Variants in CNOT4 observed in about 807,000 individuals in gnomAD.
The protein encoded by CNOT4 is CCR4-NOT transcription complex subunit 4.
A neutral mutation model predicts 73.8 loss-of-function variants in CNOT4; 8 were observed. That is an observed-to-expected ratio of 0.11 (90% CI 0.06 to 0.20). The LOEUF is 0.20. Ranked by LOEUF, CNOT4 falls within the 10% of genes least tolerant of loss-of-function variation. CNOT4 has a pLI of 1.00. For missense variants in CNOT4, 564 were observed against 883.4 expected (o/e 0.64, Z 4.58); for synonymous variants, 293 against 321.1 (o/e 0.91, Z 0.94).
intron 2 of CNOT4, among the ~76,000 whole-genome samples, chr7:135,428,211 A>G (rs1469294842): frequency 6.6e-6 from 1 of 152,226 alleles, no homozygotes; most frequent in African/African-American, 2.4e-5. Flanking sequence ...CCCTAATGCC[A>G]ATGCTTACAG....
chr7:135,367,003 C>T (rs1794952258), intron 10 of CNOT4, among the ~76,000 whole-genome samples: 1 of 152,160 alleles, frequency 6.6e-6, no homozygotes, highest in Non-Finnish European at 1.5e-5. Context: ...AACCTCATCA[C>T]CACTGACAGT....
At chr7:135,391,474 C>A (rs189520377) in intron 10 of CNOT4, among the ~76,000 whole-genome samples, 16 of 152,080 alleles carry the variant, frequency 1.1e-4, no homozygotes, top group African/African-American at 3.9e-4. Context: ...TCTCCCACCC[C>A]CTACCAAATA....
intron 1 of CNOT4, among the ~76,000 whole-genome samples, chr7:135,452,304 G>A (rs1800224313): frequency 6.6e-6 from 1 of 152,052 alleles, no homozygotes; most frequent in Non-Finnish European, 1.5e-5. Context: ...CAGGCATGGT[G>A]GCTCACGCCT....
In CNOT4 at chr7:135,452,391, G is replaced by A. The variant is rs558062766; in HGVS notation, c.-92-13968C>T. Among the ~76,000 whole-genome samples the A allele has an allele frequency of 8.5e-5, 13 of 152,252 alleles. No homozygotes were observed. The South Asian group carries it at 1.0e-3, about 12-fold the overall frequency. ...TCGAGACCAGCCTGGCCAACATGGC[G>A]AAACCCTGTTTCTACTAAAAATACA... On this transcript the variant is annotated intron_variant, in intron 1 of 11. Coordinates refer to ENST00000541284, the MANE Select transcript of CNOT4 (RefSeq NM_001190850.2).
At chr7:135,388,970 T>C in intron 10 of CNOT4, 1 of 1,358,102 alleles carries the variant, frequency 7.4e-7, no homozygotes, top group East Asian at 2.4e-5. Flanking sequence ...GATTTCAATA[T>C]TTGGAATACT....
chr7:135,368,309 A>C (rs769793002), intron 10 of CNOT4, among the ~76,000 whole-genome samples: 1 of 152,186 alleles, frequency 6.6e-6, no homozygotes, highest in Non-Finnish European at 1.5e-5. Flanking sequence ...TCTAGTTTTC[A>C]GCAACAACAA....
intron 10 of CNOT4, among the ~76,000 whole-genome samples, chr7:135,373,630 T>G (rs747601598): frequency 1.3e-5 from 2 of 152,154 alleles, no homozygotes; most frequent in Non-Finnish European, 2.9e-5. Context: ...TAGGCTGGAG[T>G]GCAATGCTCG....
chr7:135,443,860 C>T (rs922094618), intron 1 of CNOT4, among the ~76,000 whole-genome samples: 2 of 152,136 alleles, frequency 1.3e-5, no homozygotes, highest in Non-Finnish European at 2.9e-5. Flanking sequence ...TGTAAGAATA[C>T]ATGAGAGGCT....
intron 1 of CNOT4, among the ~76,000 whole-genome samples, chr7:135,465,633 T>A (rs962010264): frequency 6.6e-6 from 1 of 152,126 alleles, no homozygotes; most frequent in Non-Finnish European, 1.5e-5. Context: ...AGATGACAGT[T>A]CCATGTCCAG....
chr7:135,384,106 CT>C lies in CNOT4; in HGVS notation c.1627+9811del, dbSNP rs373849329. ...TTTCTGGGCTTATTCTCACAAAAGA[CT>C]TTTTTTTTTAATCTCCTTTAAAAGG... On this transcript the variant is annotated intron_variant, in intron 10 of 11. Coordinates refer to ENST00000541284, the MANE Select transcript of CNOT4 (RefSeq NM_001190850.2). Among the ~76,000 whole-genome samples, 441 of 148,892 alleles carry C rather than the reference CT, an allele frequency of 3.0e-3. 1 individual carries two copies. The highest frequency in any genetic ancestry group is 3.4e-3 in the Middle Eastern group (1 of 294).
intron 10 of CNOT4, among the ~76,000 whole-genome samples, chr7:135,370,623 T>A (rs1188782204): frequency 6.6e-6 from 1 of 152,222 alleles, no homozygotes; most frequent in Non-Finnish European, 1.5e-5. Flanking sequence ...TGTACATTCT[T>A]CAGCATGTAG....
chr7:135,378,799 A>C (rs778157239), intron 10 of CNOT4, among the ~76,000 whole-genome samples: 4 of 152,126 alleles, frequency 2.6e-5, no homozygotes, highest in Non-Finnish European at 4.4e-5. Flanking sequence ...CAGCCTGGGC[A>C]ACAAAGCAAA....
chr7:135,480,884 T>C (rs1223948598), intron 1 of CNOT4, among the ~76,000 whole-genome samples: 5 of 132,970 alleles, frequency 3.8e-5, no homozygotes. Context: ...TGGATATCTA[T>C]ATGCAAAAAA....
chr7:135,478,658 G>T (rs1283949593), intron 1 of CNOT4, among the ~76,000 whole-genome samples: 2 of 152,058 alleles, frequency 1.3e-5, no homozygotes, highest in African/African-American at 4.8e-5. Flanking sequence ...AGCAGAGATC[G>T]CACCACTGCA....
At chr7:135,427,120 T>C (rs746991826) in intron 2 of CNOT4, among the ~76,000 whole-genome samples, 9 of 152,190 alleles carry the variant, frequency 5.9e-5, no homozygotes, top group East Asian at 1.9e-4. Flanking sequence ...CTATTTTTAA[T>C]AGTTATAAAC....
chr7:135,482,973 C>T (rs1290023942), intron 1 of CNOT4, among the ~76,000 whole-genome samples: 6 of 121,388 alleles, frequency 4.9e-5, no homozygotes, highest in African/African-American at 6.6e-5. Flanking sequence ...GCAACTAGAG[C>T]GAGACTCCAT....
chr7:135,401,708 A>G (rs1365800358), intron 7 of CNOT4, among the ~76,000 whole-genome samples: 1 of 152,178 alleles, frequency 6.6e-6, no homozygotes, highest in Non-Finnish European at 1.5e-5. Context: ...AAACAAAGAA[A>G]AGCAGATAAT....
intron 1 of CNOT4, among the ~76,000 whole-genome samples, chr7:135,445,667 C>T (rs527695051): frequency 1.1e-3 from 164 of 152,120 alleles, no homozygotes; most frequent in Non-Finnish European, 1.7e-3. Context: ...TTGTTATTTT[C>T]GCACAATGGG....
At chr7:135,411,106 T>A (rs367573009) in intron 6 of CNOT4, among the ~76,000 whole-genome samples, 1 of 152,032 alleles carries the variant, frequency 6.6e-6, no homozygotes, top group Non-Finnish European at 1.5e-5. Flanking sequence ...CTTGAAGTAA[T>A]ACATAGATGA....
Sources: gnomAD v4.1 joint callset for allele counts (sites outside exome capture counted in the v4.1 genomes callset) on GRCh38, gnomAD v4.1.1 for gene constraint, MANE v1.5 for transcripts, NCBI Gene and HGNC (gene_info 2026-07-23, HGNC 2026-07-21) for gene names.